Variants in HECW2 observed in about 807,000 individuals in gnomAD.
HECW2 encodes E3 ubiquitin-protein ligase HECW2.
HECW2 carries 61 observed loss-of-function variants against 175.2 expected under a neutral mutation model. The observed-to-expected ratio is 0.35, with a 90% CI of 0.28 to 0.43. HECW2 has a LOEUF of 0.43. Among genes scored for constraint, HECW2 ranks in the 20% least tolerant of loss-of-function variants. The probability of loss-of-function intolerance (pLI) is 1.00; values close to 1 mark genes in which losing one functional copy is unlikely to be tolerated. For missense variants in HECW2, 1,524 were observed against 2,000.5 expected, an observed-to-expected ratio of 0.76 and a Z score of 4.54; for synonymous variants, 671 against 731.0, an observed-to-expected ratio of 0.92 and a Z score of 1.32.
intron 21 of HECW2, among the ~76,000 whole-genome samples, chr2:196,229,431 G>C (rs148592693): frequency 6.6e-6 from 1 of 152,098 alleles, no homozygotes; most frequent in East Asian, 1.9e-4. Flanking sequence ...AAGCCAAGGC[G>C]GGAAGATCCA....
intron 14 of HECW2, among the ~76,000 whole-genome samples, chr2:196,282,765 A>G (rs1010361677): frequency 2.0e-5 from 3 of 152,186 alleles, no homozygotes; most frequent in Non-Finnish European, 4.4e-5. Flanking sequence ...GCTCTGTTCT[A>G]TCAGTCTTAA....
rs138723214 is a variant in HECW2 at position 196,374,732 on chromosome 2, C to T, written c.293-30968G>A. Among the ~76,000 whole-genome samples, 664 of 151,878 alleles carry T rather than the reference C, an allele frequency of 4.4e-3. 4 individuals carry two copies. Among genetic ancestry groups the T allele is most frequent in the Non-Finnish European group, 6.9e-3 (471 of 68,006 alleles). Reference sequence around the variant, plus strand: ...GTAGCTATCCACAAAGTATTATCAACAACTCATATCTCAAGATTCTAAAAA... The same window carrying T: ...GTAGCTATCCACAAAGTATTATCAATAACTCATATCTCAAGATTCTAAAAA... On this transcript the variant is annotated intron_variant, in intron 2 of 28. Transcript: ENST00000644978.
intron 2 of HECW2, among the ~76,000 whole-genome samples, chr2:196,370,624 G>C (rs1693880605): frequency 1.3e-5 from 2 of 152,132 alleles, no homozygotes; most frequent in South Asian, 4.2e-4. Flanking sequence ...TTGTGGTCTA[G>C]ACTGCCTTTA....
intron 2 of HECW2, among the ~76,000 whole-genome samples, chr2:196,429,323 C>T (rs1421623984): frequency 2.0e-5 from 3 of 152,152 alleles, no homozygotes; most frequent in African/African-American, 4.8e-5. Context: ...GCGAAGGGGG[C>T]AGAAAATGGA....
chr2:196,317,125 C>T (rs548454552), intron 10 of HECW2, 149 bp downstream of exon 10: 24 of 624,798 alleles, frequency 3.8e-5, no homozygotes, highest in Middle Eastern at 4.2e-4. Context: ...TAGCACGTCC[C>T]GGACTACACC....
intron 2 of HECW2, among the ~76,000 whole-genome samples, chr2:196,432,158 C>T (rs770335485): frequency 2.6e-4 from 39 of 152,038 alleles, no homozygotes; most frequent in Middle Eastern, 3.2e-3. Flanking sequence ...TGCCGAATGT[C>T]CTCTAGGGGG....
At chr2:196,447,134 T>C (rs1489445823) in intron 1 of HECW2, among the ~76,000 whole-genome samples, 2 of 152,176 alleles carry the variant, frequency 1.3e-5, no homozygotes, top group Non-Finnish European at 2.9e-5. Context: ...TTAATTTTAC[T>C]TCAAATACTG....
chr2:196,500,466 GA>G (rs1034263496), intron 1 of HECW2, among the ~76,000 whole-genome samples: 2 of 151,840 alleles, frequency 1.3e-5, no homozygotes, highest in African/African-American at 4.8e-5. Flanking sequence ...CCCACTGCTA[GA>G]AAAAAAAGAG....
At chr2:196,457,279 A>G (rs971417527) in intron 1 of HECW2, among the ~76,000 whole-genome samples, 1 of 152,214 alleles carries the variant, frequency 6.6e-6, no homozygotes, top group Non-Finnish European at 1.5e-5. Flanking sequence ...CTCAGAGAGA[A>G]TCTCGCCTGA....
At chr2:196,240,701 A>C (rs1688417173) in intron 20 of HECW2, 139 bp from the exon 21 acceptor site, 1 of 841,354 alleles carries the variant, frequency 1.2e-6, no homozygotes, top group Non-Finnish European at 1.7e-6. Context: ...TGCTGTCTGC[A>C]ATAAAGTACA....
intron 1 of HECW2, among the ~76,000 whole-genome samples, chr2:196,547,638 G>C (rs896294730): frequency 2.4e-4 from 37 of 152,212 alleles, no homozygotes; most frequent in African/African-American, 8.7e-4. Flanking sequence ...CAGAAACCAA[G>C]AAGTAAGGTG....
At chr2:196,222,007 G>T (rs928941710) in intron 24 of HECW2, among the ~76,000 whole-genome samples, 4 of 152,198 alleles carry the variant, frequency 2.6e-5, no homozygotes, top group Non-Finnish European at 5.9e-5. Context: ...ATCACCATCT[G>T]TAATTTACAG....
At chr2:196,331,862 G>A (rs1472968725) in intron 4 of HECW2, among the ~76,000 whole-genome samples, 1 of 152,164 alleles carries the variant, frequency 6.6e-6, no homozygotes, top group African/African-American at 2.4e-5. Context: ...AAACACATCT[G>A]CACTCAATGT....
At chr2:196,465,926 T>C (rs1696933556) in intron 1 of HECW2, among the ~76,000 whole-genome samples, 1 of 152,200 alleles carries the variant, frequency 6.6e-6, no homozygotes, top group South Asian at 2.1e-4. Flanking sequence ...CATTTGCTAT[T>C]CACAGTCCTT....
chr2:196,575,326 T>G (rs1295788926), intron 1 of HECW2, among the ~76,000 whole-genome samples: 2 of 151,758 alleles, frequency 1.3e-5, no homozygotes, highest in African/African-American at 4.9e-5. Context: ...TGTAAACTGG[T>G]ACAGTCATTG....
chr2:196,521,453 CATTTTATTTT>C (rs534367173), intron 1 of HECW2, among the ~76,000 whole-genome samples: 3 of 151,680 alleles, frequency 2.0e-5, no homozygotes, highest in Admixed American at 6.6e-5. Flanking sequence ...TGAATCCCTT[CATTTTATTTT>C]ATTTTATTTT....
rs1156855465 is a variant in HECW2 at position 196,225,834 on chromosome 2, T to C, written c.3954A>G (p.Leu1318=). 3 of 1,612,974 alleles carry C rather than the reference T, an allele frequency of 1.9e-6. No individual in the cohort carries two copies. Among genetic ancestry groups the C allele is most frequent in the Non-Finnish European group, 2.5e-6 (3 of 1,179,128 alleles). ...AGGCATCCAACAAATACTGGTGTAT[T>C]AGTGCAAGACCAAGGATCCTACCAC... ...RFSGRILGLA[L]IHQYLLDAFF... Residue 1318 remains leucine, a synonymous_variant, in exon 23 of 29, where the codon CTA becomes CTG. Coordinates refer to ENST00000644978, the MANE Select transcript of HECW2 (RefSeq NM_001348768.2).
chr2:196,390,355 T>C (rs1694469212), intron 2 of HECW2, among the ~76,000 whole-genome samples: 2 of 152,198 alleles, frequency 1.3e-5, no homozygotes, highest in South Asian at 2.1e-4. Flanking sequence ...ATATGTCAAC[T>C]TGATAGTTTA....
At position 196,419,351 on chromosome 2, in the gene HECW2, A is replaced by G. The variant is rs553984787; in HGVS notation, c.292+13781T>C. 2.6e-5 allele frequency among the ~76,000 whole-genome samples: 4 copies of G among 152,332 alleles called. No homozygotes were observed. The South Asian group carries it at 8.3e-4, about 32-fold the overall frequency. ...AAAGGAACAGGAGGTGTTCTCTTCA[A>G]GTACATCTGCAAACCCTTCGGGACA... On this transcript the variant is annotated intron_variant, in intron 2 of 28. Coordinates refer to ENST00000644978, the MANE Select transcript of HECW2 (RefSeq NM_001348768.2).
Sources: gnomAD v4.1 joint callset for allele counts (sites outside exome capture counted in the v4.1 genomes callset) on GRCh38, gnomAD v4.1.1 for gene constraint, MANE v1.5 for transcripts, NCBI Gene and HGNC (gene_info 2026-07-23, HGNC 2026-07-21) for gene names.